The following CNBD1 variants were observed in gnomAD, a reference collection of about 807,000 sequenced individuals.
CNBD1 encodes the protein cyclic nucleotide binding domain containing 1.
In CNBD1, 71 loss-of-function variants were observed where a neutral mutation model predicts 54.4. That is an observed-to-expected ratio of 1.30 (90% CI 1.08 to 1.59). The LOEUF is 1.59. Among genes scored for constraint, CNBD1 ranks in the 40% most tolerant of loss-of-function variants. CNBD1 has a pLI of 0.00. For synonymous variants in CNBD1, 182 were observed against 170.7 expected (o/e 1.07, Z -0.51); for missense variants, 659 against 518.0 (o/e 1.27, Z -2.64).
chr8:87,371,600 C>T (rs1011649197), intron 10 of CNBD1, among the ~76,000 whole-genome samples: 1 of 151,962 alleles, frequency 6.6e-6, no homozygotes, highest in African/African-American at 2.4e-5. Context: ...AAAATACTGG[C>T]AAACTGAATC....
chr8:86,955,850 C>T (rs1456688176), intron 4 of CNBD1, among the ~76,000 whole-genome samples: 1 of 152,144 alleles, frequency 6.6e-6, no homozygotes, highest in African/African-American at 2.4e-5. Flanking sequence ...TCCCATTTGT[C>T]AGTTTTGGCT....
At chr8:86,974,915 A>C (rs118127601) in intron 4 of CNBD1, among the ~76,000 whole-genome samples, 5,539 of 152,074 alleles carry the variant, frequency 0.036, 122 homozygotes, top group Non-Finnish European at 0.044. Context: ...TTATGTAAAT[A>C]ACCTTAAAAT....
chr8:87,284,585 G>A (rs1476879245), intron 6 of CNBD1, 93 bp from the exon 7 acceptor site: 2 of 1,100,578 alleles, frequency 1.8e-6, no homozygotes, highest in East Asian at 2.6e-5. Flanking sequence ...CTCTTTCATA[G>A]AATGAAAGCT....
rs1812968348 is a variant in CNBD1 at position 87,166,611 on chromosome 8, G to C, written c.432-39382G>C. On this transcript the variant is annotated intron_variant, in intron 4 of 10. Coordinates refer to ENST00000518476, the MANE Select transcript of CNBD1 (RefSeq NM_173538.3). The surrounding 1 kb of genome is among the most constrained non-coding windows in gnomAD (Gnocchi z 4.3). Reference sequence around the variant, plus strand: ...CAATGTTCATTATTTCCAAAGTCCAGCCCTTCTCACAGTTCTCTGGCTCTT... The same window carrying C: ...CAATGTTCATTATTTCCAAAGTCCACCCCTTCTCACAGTTCTCTGGCTCTT... Among the ~76,000 whole-genome samples, 2 of 151,866 alleles carry C rather than the reference G, an allele frequency of 1.3e-5. No individual in the cohort carries two copies.
intron 4 of CNBD1, among the ~76,000 whole-genome samples, chr8:87,204,584 A>G (rs958513433): frequency 2.6e-5 from 4 of 152,144 alleles, no homozygotes; most frequent in Non-Finnish European, 5.9e-5. Context: ...ATTGCTACAA[A>G]CAAGCAGAAC....
At chr8:87,297,725 A>C (rs1808907424) in intron 8 of CNBD1, among the ~76,000 whole-genome samples, 1 of 151,580 alleles carries the variant, frequency 6.6e-6, no homozygotes, top group Non-Finnish European at 1.5e-5. Context: ...GTGTGTGATT[A>C]TCTCAAGAAA....
intron 4 of CNBD1, among the ~76,000 whole-genome samples, chr8:87,129,712 C>T (rs1586276279): frequency 6.6e-6 from 1 of 152,052 alleles, no homozygotes; most frequent in Admixed American, 6.5e-5. Context: ...TGTTTTAGCT[C>T]TATCCATAAT....
At position 87,323,813 on chromosome 8, in the gene CNBD1, G is replaced by T. The variant is rs1285980677; in HGVS notation, c.1043-27872G>T. 4.0e-5 allele frequency among the ~76,000 whole-genome samples: 5 copies of T among 124,210 alleles called. No individual in the cohort carries two copies. In the East Asian group the frequency reaches 1.0e-3, roughly 26 times the overall value. 81.5% of individuals were successfully genotyped at this position (124,210 alleles called of 152,430 possible). On this transcript the variant is annotated intron_variant, in intron 8 of 10. Coordinates refer to ENST00000518476, the MANE Select transcript of CNBD1 (RefSeq NM_173538.3). ...CTTTATTTCCTTCTCCTGCCTGATTGCCCTGGCCAGAACTTCCAACACTGT... is the reference window on the plus strand; with the variant it reads ...CTTTATTTCCTTCTCCTGCCTGATTTCCCTGGCCAGAACTTCCAACACTGT...
intron 6 of CNBD1, among the ~76,000 whole-genome samples, chr8:87,237,732 C>G (rs932592082): frequency 2.6e-5 from 4 of 152,024 alleles, no homozygotes; most frequent in African/African-American, 9.7e-5. Context: ...TCAAGATGTT[C>G]AGAGTAGAAA....
At chr8:87,283,756 A>C (rs1188063243) in intron 6 of CNBD1, among the ~76,000 whole-genome samples, 3 of 152,064 alleles carry the variant, frequency 2.0e-5, no homozygotes, top group African/African-American at 7.2e-5. Flanking sequence ...AAGGAGGCAC[A>C]ATTCCAGGCT....
intron 5 of CNBD1, among the ~76,000 whole-genome samples, chr8:87,223,440 GT>G (rs1814393426): frequency 1.4e-5 from 2 of 143,698 alleles, no homozygotes; most frequent in African/African-American, 5.2e-5. Context: ...CCCTTCCTGT[GT>G]CCATGTGATC....
intron 3 of CNBD1, among the ~76,000 whole-genome samples, chr8:86,906,673 C>A (rs977726756): frequency 8.5e-5 from 13 of 152,150 alleles, no homozygotes; most frequent in Non-Finnish European, 1.0e-4. Context: ...GGACCAAGAG[C>A]TTTTATGGAT....
intron 4 of CNBD1, among the ~76,000 whole-genome samples, chr8:86,961,761 C>T (rs906617653): frequency 1.3e-5 from 2 of 152,256 alleles, no homozygotes; most frequent in African/African-American, 4.8e-5. Flanking sequence ...ACCAGAGTGA[C>T]AGCCATGAAG....
intron 3 of CNBD1, among the ~76,000 whole-genome samples, chr8:86,936,314 A>G (rs1420175164): frequency 1.3e-5 from 2 of 152,242 alleles, no homozygotes; most frequent in East Asian, 3.8e-4. Flanking sequence ...CATTCAAATT[A>G]TAAAATTAAA....
At chr8:87,280,057 A>G (rs928204263) in intron 6 of CNBD1, among the ~76,000 whole-genome samples, 1 of 151,604 alleles carries the variant, frequency 6.6e-6, no homozygotes, top group Admixed American at 6.6e-5. Context: ...TTTCTATTTA[A>G]GCATACAGAC....
At chr8:87,347,783 G>A (rs1446922316) in intron 8 of CNBD1, among the ~76,000 whole-genome samples, 1 of 150,816 alleles carries the variant, frequency 6.6e-6, no homozygotes, top group Non-Finnish European at 1.5e-5. Context: ...CTGCTGAGAA[G>A]GGGAGAAAGG....
At chr8:87,131,709 A>T (rs1281419483) in intron 4 of CNBD1, among the ~76,000 whole-genome samples, 1 of 151,978 alleles carries the variant, frequency 6.6e-6, no homozygotes, top group African/African-American at 2.4e-5. Context: ...GTTTTAAAAC[A>T]TTGGAACACA....
chr8:86,952,037 C>A (rs1166671037), intron 4 of CNBD1, among the ~76,000 whole-genome samples: 3 of 152,174 alleles, frequency 2.0e-5, no homozygotes, highest in Non-Finnish European at 4.4e-5. Context: ...TAATTGCTTC[C>A]TTTGGAAAGG....
chr8:87,279,057 A>T (rs964079083), intron 6 of CNBD1, among the ~76,000 whole-genome samples: 1 of 151,258 alleles, frequency 6.6e-6, no homozygotes, highest in Non-Finnish European at 1.5e-5. Flanking sequence ...ATTTTTGTTA[A>T]TCTTTTATTG....
Sources: allele counts gnomAD v4.1 joint callset (sites outside exome capture counted in the v4.1 genomes callset), GRCh38; gene constraint gnomAD v4.1.1; non-coding constraint Gnocchi (gnomAD v3.1); transcripts MANE v1.5; gene names NCBI Gene and HGNC (gene_info 2026-07-23, HGNC 2026-07-21).